Variants in ZMYM2 observed in about 807,000 individuals in gnomAD.
ZMYM2 encodes zinc finger MYM-type containing 2, also known as zinc finger MYM-type protein 2.
Under a neutral mutation model 162.8 loss-of-function variants are expected in ZMYM2, and 56 were observed. The ratio of observed to expected loss-of-function variants is 0.34; its 90% CI spans 0.28 to 0.43. The LOEUF (loss-of-function observed/expected upper bound fraction) is 0.43. ZMYM2 is among the 20% of genes least tolerant of loss of function. The probability of loss-of-function intolerance (pLI) is 1.00; values close to 1 mark genes in which losing one functional copy is unlikely to be tolerated. For synonymous variants in ZMYM2, 510 were observed against 541.6 expected (o/e 0.94, Z 0.81); for missense variants, 1,275 against 1,621.8 (o/e 0.79, Z 3.67).
chr13:19,904,078 A>G, the ZMYM2 span, among the ~76,000 whole-genome samples: 4 of 152,130 alleles, frequency 2.6e-5, no homozygotes, highest in Non-Finnish European at 5.9e-5. Context: ...TTGCCTTCCC[A>G]TTAAAAAGGC....
At chr13:19,933,968 C>A in the ZMYM2 span, among the ~76,000 whole-genome samples, 1 of 152,204 alleles carries the variant, frequency 6.6e-6, no homozygotes, top group Non-Finnish European at 1.5e-5. Flanking sequence ...AACCCATTTA[C>A]AATTATTGTA....
chr13:20,003,696 G>A (rs1249058483), intron 4 of ZMYM2, among the ~76,000 whole-genome samples: 1 of 150,490 alleles, frequency 6.6e-6, no homozygotes, highest in Non-Finnish European at 1.5e-5. Context: ...GCAATGGTGC[G>A]ATCTCAGCTC....
chr13:19,945,672 T>C, the ZMYM2 span, among the ~76,000 whole-genome samples: 1 of 152,182 alleles, frequency 6.6e-6, no homozygotes, highest in Non-Finnish European at 1.5e-5. Context: ...AAGCTTCTCA[T>C]CTTTTGTTTG....
chr13:19,929,860 A>G, the ZMYM2 span, among the ~76,000 whole-genome samples: 1 of 152,162 alleles, frequency 6.6e-6, no homozygotes, highest in Non-Finnish European at 1.5e-5. Flanking sequence ...TTTCTATGGG[A>G]ATATTTTATG....
At chr13:19,917,181 C>A in the ZMYM2 span, among the ~76,000 whole-genome samples, 2 of 152,108 alleles carry the variant, frequency 1.3e-5, no homozygotes, top group African/African-American at 2.4e-5. Context: ...CCAGGATGGT[C>A]TCAATCTCCT....
At chr13:19,912,158 A>ACTGTC in the ZMYM2 span, among the ~76,000 whole-genome samples, 1 of 152,122 alleles carries the variant, frequency 6.6e-6, no homozygotes, top group Non-Finnish European at 1.5e-5. Flanking sequence ...TCTTCTCCAC[A>ACTGTC]CTGTCCGTAA....
chr13:20,010,990 G>A (rs894317322), intron 6 of ZMYM2, among the ~76,000 whole-genome samples: 1 of 152,090 alleles, frequency 6.6e-6, no homozygotes, highest in South Asian at 2.1e-4. Flanking sequence ...AGGGGATACA[G>A]AGTGATGTTT....
At chr13:19,875,733 C>G in the ZMYM2 span, among the ~76,000 whole-genome samples, 1 of 151,040 alleles carries the variant, frequency 6.6e-6, no homozygotes, top group East Asian at 1.9e-4. Flanking sequence ...AAACAGAAAA[C>G]CAAATACTGC....
the ZMYM2 span, among the ~76,000 whole-genome samples, chr13:19,893,877 A>C: frequency 6.6e-6 from 1 of 151,806 alleles, no homozygotes; most frequent in Non-Finnish European, 1.5e-5. Context: ...CCTACACTGG[A>C]CTCCTGGGCT....
the ZMYM2 span, among the ~76,000 whole-genome samples, chr13:19,878,522 T>TCCCCC: frequency 1.3e-4 from 19 of 142,706 alleles, no homozygotes; most frequent in African/African-American, 2.1e-4. Flanking sequence ...TTGCCCTTTT[T>TCCCCC]TTTTTTTTTT....
rs780588220 is a variant in ZMYM2 at position 19,993,424 on chromosome 13, G to A, written c.352G>A (p.Val118Ile). 6.2e-7 allele frequency: 1 copy of A among 1,613,822 alleles called. No individual in the cohort carries two copies. The highest frequency in any genetic ancestry group is 2.2e-5 in the East Asian group (1 of 44,868). Residue 118 changes from valine to isoleucine, a missense_variant, in exon 3 of 25, where the codon GTC becomes ATC. Around this residue, in one of 10 missense-constraint regions of ZMYM2, gnomAD observed 295 missense variants for 286.7 expected, o/e 1.03. Transcript: ENST00000610343. Reference sequence around the variant, plus strand: ...GAAGGGAAGTGTAAGTGAGACAATTGTCATTGATGATGAAGAGGACATGGA... The same window carrying A: ...GAAGGGAAGTGTAAGTGAGACAATTATCATTGATGATGAAGAGGACATGGA... ...SQKGSVSETI[V>I]IDDEEDMETN... is the part of the protein sequence containing the mutation.
chr13:19,987,420 C>T (rs555666596), intron 2 of ZMYM2, among the ~76,000 whole-genome samples: 85 of 151,956 alleles, frequency 5.6e-4, no homozygotes, highest in African/African-American at 2.0e-3. Flanking sequence ...CCTGTCACCA[C>T]GCCTGGCTAA....
chr13:19,902,918 A>T, the ZMYM2 span, among the ~76,000 whole-genome samples: 2 of 152,118 alleles, frequency 1.3e-5, no homozygotes, highest in Non-Finnish European at 2.9e-5. Context: ...ACACTTTGGG[A>T]GGCTGAGGTG....
intron 12 of ZMYM2, among the ~76,000 whole-genome samples, chr13:20,049,959 C>G (rs1215727231): frequency 6.6e-6 from 1 of 151,894 alleles, no homozygotes; most frequent in Non-Finnish European, 1.5e-5. Flanking sequence ...AGAAAAGAAA[C>G]CCTGGAACAA....
intron 14 of ZMYM2, among the ~76,000 whole-genome samples, 155 bp from the exon 15 acceptor site, chr13:20,058,420 T>A (rs1013682526): frequency 2.0e-5 from 3 of 152,220 alleles, no homozygotes; most frequent in Admixed American, 2.0e-4. Flanking sequence ...CCTTATAGAT[T>A]AAGAGTATGG....
chr13:20,034,672 C>CTACA (rs1017466818), intron 11 of ZMYM2, among the ~76,000 whole-genome samples: 7 of 152,070 alleles, frequency 4.6e-5, no homozygotes, highest in African/African-American at 1.7e-4. Context: ...ATTTCTAAAC[C>CTACA]TACATGTTGT....
At chr13:20,036,704 TTTG>T in intron 11 of ZMYM2, 30 bp from the exon 12 acceptor site, 1 of 1,438,768 alleles carries the variant, frequency 7.0e-7, no homozygotes, top group Non-Finnish European at 9.2e-7. Context: ...CATGTGTTTT[TTTG>T]TTTTAATATA....
chr13:20,079,106 G>A (rs535289571), intron 21 of ZMYM2, among the ~76,000 whole-genome samples: 1 of 151,162 alleles, frequency 6.6e-6, no homozygotes, highest in East Asian at 1.9e-4. Context: ...AGATCACAAC[G>A]TCAAGAGATG....
the ZMYM2 span, among the ~76,000 whole-genome samples, chr13:19,867,328 C>T: frequency 2.1e-5 from 3 of 144,818 alleles, no homozygotes; most frequent in East Asian, 2.0e-4. Context: ...CCAGCCTGGG[C>T]GACAAGAGCG....
Sources: allele counts gnomAD v4.1 joint callset (sites outside exome capture counted in the v4.1 genomes callset), GRCh38; gene constraint gnomAD v4.1.1; regional missense constraint gnomAD v4.1.1; transcripts MANE v1.5; gene names NCBI Gene and HGNC (gene_info 2026-07-23, HGNC 2026-07-21).